FAAP20: variants seen among roughly 807,000 people sequenced by gnomAD.
The protein encoded by FAAP20 is Fanconi anemia core complex-associated protein 20.
In FAAP20, 12 loss-of-function variants were observed where a neutral mutation model predicts 16.2. The ratio of observed to expected loss-of-function variants is 0.74; its 90% CI spans 0.48 to 1.20. The LOEUF (loss-of-function observed/expected upper bound fraction) is 1.20. Among genes scored for constraint, FAAP20 ranks in the 50% most tolerant of loss-of-function variants. The pLI is 0.00. For missense variants in FAAP20, 288 were observed against 245.8 expected, an observed-to-expected ratio of 1.17 and a Z score of -1.15; for synonymous variants, 141 against 110.7, an observed-to-expected ratio of 1.27 and a Z score of -1.72.
chr1:2,197,937 G>C, upstream of FAAP20: 4 of 1,238,344 alleles, frequency 3.2e-6, no homozygotes, highest in Non-Finnish European at 4.2e-6. Flanking sequence ...TGCCAGCCGA[G>C]GGCCTGGAAG....
chr1:2,202,461 T>C (rs1220018452), upstream of FAAP20, among the ~76,000 whole-genome samples: 2 of 151,998 alleles, frequency 1.3e-5, no homozygotes. Context: ...CACCTCTTTA[T>C]TTTTATTTTA....
At chr1:2,186,640 C>T (rs1265628467), downstream of FAAP20, among the ~76,000 whole-genome samples, 1 of 152,178 alleles carries the variant, frequency 6.6e-6, no homozygotes, top group African/African-American at 2.4e-5. Flanking sequence ...CTGGGTCTCA[C>T]ACAGGTGTCC....
chr1:2,188,987 AGAGC>A (rs1687851201), downstream of FAAP20, among the ~76,000 whole-genome samples: 1 of 145,522 alleles, frequency 6.9e-6, no homozygotes, highest in Admixed American at 6.9e-5. Context: ...CCTGGGCGAC[AGAGC>A]GAGACTCCGT....
chr1:2,189,610 G>GAGAGGCGGGGCTGCTGGCGGGGGAGCCA lies in FAAP20; in HGVS notation c.*98_*99insTGGCTCCCCCGCCAGCAGCCCCGCCTCT. On this transcript the variant is annotated 3_prime_UTR_variant, in exon 4 of 4. Coordinates refer to ENST00000378546, the MANE Select transcript of FAAP20 (RefSeq NM_182533.4). ...GCTTTAATGCGCATGCGGGGGAGCC[G>GAGAGGCGGGGCTGCTGGCGGGGGAGCCA]AGAGGCGGGGCTGCTGGCGGGGGAG... 1.1e-6 allele frequency: 1 copy of GAGAGGCGGGGCTGCTGGCGGGGGAGCCA among 886,588 alleles called. No individual in the cohort carries two copies. The allele number at this position is 886,588 out of a possible 1,614,324, so 54.9% of individuals were successfully genotyped here.
At position 2,194,678 on chromosome 1, in the gene FAAP20, C is replaced by G; in HGVS notation, c.62+10G>C. On this transcript the variant is annotated intron_variant, in intron 1 of 3. Transcript: ENST00000378546. ...AACCGGCCGCGCCCCCGCCCGGCTC[C>G]CGGCCTCACCCGCCCGCCGGGCGCG... is the stretch of plus-strand genomic sequence containing the variant. 5 of 1,151,752 alleles carry G rather than the reference C, an allele frequency of 4.3e-6. No homozygotes were observed. The highest frequency in any genetic ancestry group is 5.3e-6 in the Non-Finnish European group (5 of 937,956). 71.3% of individuals were successfully genotyped at this position (1,151,752 alleles called of 1,614,324 possible). A position where few individuals can be genotyped will look rare whatever the true frequency, so the allele number is the denominator to read the frequency against.
At chr1:2,209,248 C>G (rs148570545), downstream of FAAP20, among the ~76,000 whole-genome samples, 1 of 152,198 alleles carries the variant, frequency 6.6e-6, no homozygotes, top group Admixed American at 6.5e-5. Flanking sequence ...GCCCCCGCCC[C>G]GAAAGCTTAT....
chr1:2,192,891 T>C (rs1482223400), intron 3 of FAAP20: 1 of 1,302,384 alleles, frequency 7.7e-7, no homozygotes, highest in East Asian at 5.5e-5. Flanking sequence ...TGAGCCACCG[T>C]GCCCGGCCTT....
upstream of FAAP20, among the ~76,000 whole-genome samples, chr1:2,201,816 G>A (rs2100738224): frequency 6.6e-6 from 1 of 152,156 alleles, no homozygotes; most frequent in African/African-American, 2.4e-5. Context: ...AGGAGCTTGA[G>A]ACCATCTTGG....
chr1:2,200,961 T>G, upstream of FAAP20: 3 of 1,215,298 alleles, frequency 2.5e-6, 1 homozygote, highest in South Asian at 4.2e-5. Flanking sequence ...TCAGCACGTT[T>G]TTATGGGAAA....
downstream of FAAP20, chr1:2,186,913 T>G (rs186628981): frequency 1.6e-3 from 381 of 233,644 alleles, 1 homozygote; most frequent in African/African-American, 8.2e-3. Flanking sequence ...TGAGTAATGC[T>G]GTGCTCATCA....
chr1:2,195,032 C>T (rs1302032390), upstream of FAAP20, among the ~76,000 whole-genome samples: 1 of 152,008 alleles, frequency 6.6e-6, no homozygotes, highest in East Asian at 1.9e-4. Flanking sequence ...GAGCCCCCTC[C>T]GTTACCCCGA....
At chr1:2,186,049 G>T (rs1015739135), downstream of FAAP20, 39 of 452,802 alleles carry the variant, frequency 8.6e-5, no homozygotes, top group Non-Finnish European at 1.6e-4. Context: ...CTTCCTAGAG[G>T]CAGGGCTGCC....
chr1:2,195,916 G>A (rs546811421), upstream of FAAP20, among the ~76,000 whole-genome samples: 5 of 152,312 alleles, frequency 3.3e-5, no homozygotes, highest in African/African-American at 4.8e-5. Flanking sequence ...CAGGCCCTTC[G>A]ACTTGAGTGA....
At chr1:2,200,931 G>C (rs1689025528), upstream of FAAP20, 3 of 1,162,706 alleles carry the variant, frequency 2.6e-6, no homozygotes, top group Non-Finnish European at 3.3e-6. Context: ...CGGCTCTGTA[G>C]AATCAGCTTT....
At chr1:2,185,409 CT>C (rs751814259), downstream of FAAP20, 1 of 718,806 alleles carries the variant, frequency 1.4e-6, no homozygotes, top group Non-Finnish European at 2.6e-6. Context: ...CCTCTGATGC[CT>C]TTTTTCCGTG....
chr1:2,193,157 G>T, intron 3 of FAAP20: 1 of 415,466 alleles, frequency 2.4e-6, no homozygotes, highest in Non-Finnish European at 4.1e-6. Context: ...GCACTGGGCA[G>T]TTTGGGTTAT....
chr1:2,199,313 A>T (rs115732862), upstream of FAAP20: 36 of 1,061,852 alleles, frequency 3.4e-5, no homozygotes, highest in Non-Finnish European at 4.0e-5. This position sits in a 1 kb window ranked among gnomAD's most constrained non-coding sequence, Gnocchi z 4.5. Flanking sequence ...CAGCTTCCGC[A>T]CCACTCAGCC....
upstream of FAAP20, chr1:2,199,085 C>T (rs571961365): frequency 1.6e-4 from 191 of 1,190,234 alleles, 3 homozygotes; most frequent in South Asian, 2.6e-3. The surrounding 1 kb of genome is among the most constrained non-coding windows in gnomAD (Gnocchi z 4.5). Flanking sequence ...TGCCCCTGAC[C>T]CCAAGAACCA....
intron 3 of FAAP20, chr1:2,192,951 T>C: frequency 2.3e-6 from 3 of 1,304,036 alleles, no homozygotes; most frequent in Non-Finnish European, 3.0e-6. Flanking sequence ...TCCGGTGCCT[T>C]CGCATTCCCG....
Sources: gnomAD v4.1 joint callset for allele counts (sites outside exome capture counted in the v4.1 genomes callset) on GRCh38, gnomAD v4.1.1 for gene constraint, Gnocchi (gnomAD v3.1) non-coding constraint, MANE v1.5 for transcripts, NCBI Gene and HGNC (gene_info 2026-07-23, HGNC 2026-07-21) for gene names.